Variants in LHFPL6 observed in about 807,000 individuals in gnomAD.
The protein encoded by LHFPL6 is LHFPL tetraspan subfamily member 6.
Under a neutral mutation model 20.6 loss-of-function variants are expected in LHFPL6, and 9 were observed. The observed-to-expected ratio is 0.44, with a 90% confidence interval of 0.26 to 0.76. The LOEUF (loss-of-function observed/expected upper bound fraction) is 0.76. Ranked by LOEUF, LHFPL6 falls within the 30% of genes least tolerant of loss-of-function variation. The pLI is 0.20. For synonymous variants in LHFPL6, 105 were observed against 98.7 expected, an observed-to-expected ratio of 1.06 and a Z score of -0.38; for missense variants, 218 against 253.5, an observed-to-expected ratio of 0.86 and a Z score of 0.95.
chr13:39,544,688 C>T (rs373888984), intron 2 of LHFPL6, among the ~76,000 whole-genome samples: 3 of 151,312 alleles, frequency 2.0e-5, no homozygotes, highest in Admixed American at 6.6e-5. Flanking sequence ...AATTCACATG[C>T]GAAGGACAAA....
chr13:39,347,442 T>C (rs940768947), intron 3 of LHFPL6, among the ~76,000 whole-genome samples: 1 of 152,238 alleles, frequency 6.6e-6, no homozygotes, highest in South Asian at 2.1e-4. Flanking sequence ...TCTAGCATTT[T>C]AAGAGTAACT....
intron 2 of LHFPL6, among the ~76,000 whole-genome samples, chr13:39,468,412 G>A (rs1223455011): frequency 2.6e-5 from 4 of 151,970 alleles, no homozygotes; most frequent in Non-Finnish European, 5.9e-5. Context: ...TGGGCAGCAG[G>A]AACTGTGTGC....
intron 2 of LHFPL6, among the ~76,000 whole-genome samples, chr13:39,426,121 C>T (rs1871629664): frequency 6.6e-6 from 1 of 152,146 alleles, no homozygotes; most frequent in Non-Finnish European, 1.5e-5. Context: ...TTTTTCATCA[C>T]CTCAAACAGA....
chr13:39,504,522 G>C (rs1297352045), intron 2 of LHFPL6, among the ~76,000 whole-genome samples: 1 of 152,186 alleles, frequency 6.6e-6, no homozygotes, highest in Non-Finnish European at 1.5e-5. Context: ...GATGCTGGCA[G>C]GTTTGGTTTC....
chr13:39,514,897 C>G (rs894784413), intron 2 of LHFPL6, among the ~76,000 whole-genome samples: 2 of 152,182 alleles, frequency 1.3e-5, no homozygotes, highest in African/African-American at 4.8e-5. Context: ...CTCTATCCCC[C>G]ACGTAATGCC....
intron 2 of LHFPL6, among the ~76,000 whole-genome samples, chr13:39,459,509 G>A (rs1872643739): frequency 6.6e-6 from 1 of 152,044 alleles, no homozygotes; most frequent in Admixed American, 6.6e-5. Flanking sequence ...GAAGGTAGCT[G>A]ACTCGTCAGT....
intron 2 of LHFPL6, among the ~76,000 whole-genome samples, chr13:39,598,829 T>C (rs898697299): frequency 3.9e-5 from 6 of 152,192 alleles, no homozygotes; most frequent in African/African-American, 1.4e-4. Context: ...AGTGCTGGGA[T>C]TGCAGGCGTG....
At chr13:39,549,922 A>C (rs940644539) in intron 2 of LHFPL6, among the ~76,000 whole-genome samples, 2 of 152,094 alleles carry the variant, frequency 1.3e-5, no homozygotes, top group African/African-American at 4.8e-5. Context: ...CAGACTCATA[A>C]GGCTACATTA....
At chr13:39,575,688 A>G (rs1872092211) in intron 2 of LHFPL6, among the ~76,000 whole-genome samples, 1 of 152,188 alleles carries the variant, frequency 6.6e-6, no homozygotes, top group Non-Finnish European at 1.5e-5. Flanking sequence ...AAAAGTTCAA[A>G]ATTCCGAAGT....
At chr13:39,473,343 A>AC (rs1566119541) in intron 2 of LHFPL6, among the ~76,000 whole-genome samples, 8 of 122,814 alleles carry the variant, frequency 6.5e-5, no homozygotes, top group African/African-American at 3.3e-4. Context: ...ATCACACACA[A>AC]ACACACACAC....
At chr13:39,455,283 G>A (rs891891768) in intron 2 of LHFPL6, among the ~76,000 whole-genome samples, 4 of 152,034 alleles carry the variant, frequency 2.6e-5, no homozygotes, top group South Asian at 4.1e-4. Flanking sequence ...CCGGGCCGGC[G>A]GCAACCCCTC....
At chr13:39,484,354 G>A (rs1566122085) in intron 2 of LHFPL6, among the ~76,000 whole-genome samples, 1 of 152,118 alleles carries the variant, frequency 6.6e-6, no homozygotes, top group Non-Finnish European at 1.5e-5. Flanking sequence ...CTCAACTTTG[G>A]AGTCATGCTT....
intron 2 of LHFPL6, among the ~76,000 whole-genome samples, chr13:39,435,342 G>C (rs1420568639): frequency 6.6e-6 from 1 of 152,076 alleles, no homozygotes; most frequent in African/African-American, 2.4e-5. Flanking sequence ...AGTTGCCATT[G>C]TTGCCAATGG....
At chr13:39,373,503 C>T (rs1213250615) in intron 3 of LHFPL6, among the ~76,000 whole-genome samples, 1 of 152,196 alleles carries the variant, frequency 6.6e-6, no homozygotes, top group Non-Finnish European at 1.5e-5. Context: ...TGCCACCTTC[C>T]TTCCCACTGC....
intron 2 of LHFPL6, among the ~76,000 whole-genome samples, chr13:39,598,191 T>C (rs1872824505): frequency 6.6e-6 from 1 of 152,242 alleles, no homozygotes; most frequent in South Asian, 2.1e-4. Flanking sequence ...ATAGGAAAAA[T>C]TTATTGAAAT....
chr13:39,589,399 G>A lies in LHFPL6; in HGVS notation c.385+11433C>T, dbSNP rs542347520. On this transcript the variant is annotated intron_variant, in intron 2 of 3. Transcript: ENST00000379589. ...GGATTAATTACAGATGTGAGTCACC[G>A]CACCCAGCCCAGATAAAGAAAATTT... Among the ~76,000 whole-genome samples, 175 of 152,136 alleles carry A rather than the reference G, an allele frequency of 1.2e-3. 3 individuals are homozygous for A. The South Asian group carries it at 0.014, about 12-fold the overall frequency.
intron 2 of LHFPL6, among the ~76,000 whole-genome samples, chr13:39,442,932 T>G (rs1872180937): frequency 6.6e-6 from 1 of 152,126 alleles, no homozygotes; most frequent in Non-Finnish European, 1.5e-5. Context: ...TCTTTCTCTC[T>G]CTCTCTCTCT....
At chr13:39,479,580 T>C (rs1319682105) in intron 2 of LHFPL6, among the ~76,000 whole-genome samples, 1 of 152,138 alleles carries the variant, frequency 6.6e-6, no homozygotes, top group Admixed American at 6.5e-5. Flanking sequence ...AGAGAAATCA[T>C]AGCTAAATTG....
chr13:39,420,604 A>G (rs1871458092), intron 2 of LHFPL6, among the ~76,000 whole-genome samples: 1 of 152,220 alleles, frequency 6.6e-6, no homozygotes, highest in African/African-American at 2.4e-5. Context: ...AGGGAAATTA[A>G]TATCTCAAGA....
Sources: allele counts gnomAD v4.1 joint callset (sites outside exome capture counted in the v4.1 genomes callset), GRCh38; gene constraint gnomAD v4.1.1; transcripts MANE v1.5; gene names NCBI Gene and HGNC (gene_info 2026-07-23, HGNC 2026-07-21).